Variants in KIF2C observed in about 807,000 individuals in gnomAD.
KIF2C encodes kinesin-like protein KIF2C.
KIF2C carries 34 observed loss-of-function variants against 97.4 expected under a neutral mutation model. The observed-to-expected ratio is 0.35, with a 90% CI of 0.27 to 0.46. KIF2C has a LOEUF of 0.46. KIF2C is among the 20% of genes least tolerant of loss of function. The probability of loss-of-function intolerance (pLI) is 1.00; values close to 1 mark genes in which losing one functional copy is unlikely to be tolerated. For synonymous variants in KIF2C, 313 were observed against 318.2 expected (o/e 0.98, Z 0.17); for missense variants, 750 against 907.6 (o/e 0.83, Z 2.23).
At chr1:44,747,059 G>A (rs534440597) in intron 2 of KIF2C, among the ~76,000 whole-genome samples, 1 of 152,064 alleles carries the variant, frequency 6.6e-6, no homozygotes, top group Admixed American at 6.6e-5. Flanking sequence ...TGTAATCCCA[G>A]CACTTTAGGA....
At chr1:44,764,791 G>A (rs1233019178) in intron 19 of KIF2C, among the ~76,000 whole-genome samples, 7 of 152,156 alleles carry the variant, frequency 4.6e-5, no homozygotes, top group Non-Finnish European at 1.0e-4. Context: ...TTACAGGCGT[G>A]AGCCACCACG....
chr1:44,746,403 G>T, intron 2 of KIF2C: 1 of 1,116,580 alleles, frequency 9.0e-7, no homozygotes, highest in Non-Finnish European at 1.1e-6. Flanking sequence ...TAAGGCATGG[G>T]CAGGAAGCCG....
intron 16 of KIF2C, among the ~76,000 whole-genome samples, chr1:44,761,468 TGTG>T (rs1352386291): frequency 6.6e-6 from 1 of 151,356 alleles, no homozygotes; most frequent in Non-Finnish European, 1.5e-5. Context: ...ATTAGCCAGG[TGTG>T]GTGGCAGGTG....
intron 2 of KIF2C, among the ~76,000 whole-genome samples, chr1:44,745,140 G>C (rs1023318987): frequency 6.6e-6 from 1 of 150,488 alleles, no homozygotes; most frequent in Non-Finnish European, 1.5e-5. Flanking sequence ...AGTGAGCCGA[G>C]ATCATGCCAC....
chr1:44,741,598 T>C (rs555097394), intron 2 of KIF2C, among the ~76,000 whole-genome samples: 8 of 152,000 alleles, frequency 5.3e-5, no homozygotes, highest in Admixed American at 1.3e-4. Flanking sequence ...GGTGGGAGGA[T>C]TGATTTAGCC....
intron 2 of KIF2C, among the ~76,000 whole-genome samples, chr1:44,742,474 T>G (rs1648984001): frequency 6.6e-6 from 1 of 151,040 alleles, no homozygotes; most frequent in Non-Finnish European, 1.5e-5. Context: ...TCCCAGCACT[T>G]TGGGAGGCCG....
chr1:44,753,353 CCT>C, intron 6 of KIF2C, 99 bp downstream of exon 6: 2 of 1,373,570 alleles, frequency 1.5e-6, no homozygotes, highest in South Asian at 1.5e-5. Flanking sequence ...GAGTTCAAGC[CCT>C]GTTTGTCACG....
intron 19 of KIF2C, among the ~76,000 whole-genome samples, chr1:44,763,337 G>A (rs540440188): frequency 1.7e-4 from 26 of 152,168 alleles, no homozygotes; most frequent in Non-Finnish European, 3.5e-4. Context: ...CAGGAAGGAA[G>A]AACTTGGGGC....
chr1:44,766,861 C>G lies in KIF2C; in HGVS notation c.2007C>G (p.Thr669=). The change falls in exon 20 of 21, where the codon ACC becomes ACG. Residue 669 remains threonine (T), a synonymous_variant. Coordinates refer to ENST00000372224, the MANE Select transcript of KIF2C (RefSeq NM_006845.4). ...ACTGGCTTGAGCTCTCTGAGATGAC[C>G]GAGCAGCCAGACTATGACCTGGAGA... ...GPDWLELSEM[T]EQPDYDLETF... 1 of 1,614,200 alleles carries G rather than the reference C, an allele frequency of 6.2e-7. No individual in the cohort carries two copies. The highest frequency in any genetic ancestry group is 8.5e-7 in the Non-Finnish European group (1 of 1,180,034).
chr1:44,762,390 TGATTCAAATGGAAACAGAAGA>T lies in KIF2C; in HGVS notation c.1800_1820del (p.Ile600_Glu606del). 1 of 1,614,108 alleles carries T rather than the reference TGATTCAAATGGAAACAGAAGA, an allele frequency of 6.2e-7. No homozygotes were observed. Among genetic ancestry groups the T allele is most frequent in the Non-Finnish European group, 8.5e-7 (1 of 1,180,014 alleles). ...CACAGTGGGCCCAGTGGAGAGCAGT[TGATTCAAATGGAAACAGAAGA>T]GATGGAAGCCTGCTCTAACGGGGCG... On this transcript the variant is annotated inframe_deletion, in exon 18 of 21. Transcript: ENST00000372224.
At chr1:44,750,591 C>G in intron 5 of KIF2C, 27 bp downstream of exon 5, 1 of 1,497,646 alleles carries the variant, frequency 6.7e-7, no homozygotes, top group Non-Finnish European at 9.0e-7. Flanking sequence ...CCCCCAACCA[C>G]CATGTTTGAG....
rs1648950294 is a variant in KIF2C, at chr1:44,741,853, C to A, written c.165+846C>A. On this transcript the variant is annotated intron_variant, in intron 2 of 20. Coordinates refer to ENST00000372224, the MANE Select transcript of KIF2C (RefSeq NM_006845.4). Reference sequence around the variant, plus strand: ...AAAAATACAAAAAACATTAGCCGGGCATGGTGGTGCATGCCTGTGGTCCCA... The same window carrying A: ...AAAAATACAAAAAACATTAGCCGGGAATGGTGGTGCATGCCTGTGGTCCCA... Among the ~76,000 whole-genome samples, 3 of 151,648 alleles carry A rather than the reference C, an allele frequency of 2.0e-5. No homozygotes were observed. The South Asian group carries it at 6.3e-4, about 32-fold the overall frequency.
intron 10 of KIF2C, among the ~76,000 whole-genome samples, chr1:44,757,197 G>A (rs568432741): frequency 3.4e-4 from 52 of 152,310 alleles, no homozygotes; most frequent in East Asian, 3.9e-4. Flanking sequence ...GATTACAGGC[G>A]TGAGCCACTG....
At chr1:44,755,752 A>C (rs1649794189) in intron 8 of KIF2C, among the ~76,000 whole-genome samples, 177 bp from the exon 9 acceptor site, 1 of 152,200 alleles carries the variant, frequency 6.6e-6, no homozygotes, top group Admixed American at 6.5e-5. Flanking sequence ...AACAAAATCC[A>C]GTGCTCCCTT....
At position 44,748,707 on chromosome 1, in the gene KIF2C, A is replaced by ATTTTTTTT. The variant is rs928683142; in HGVS notation, c.316+1020_316+1027dup. ...AGGTGTGCCCCATCACACCTGGCTA[A>ATTTTTTTT]TTTTTTTTTTTTTTTTTTTTGTAGA... On this transcript the variant is annotated intron_variant, in intron 4 of 20. Transcript: ENST00000372224. Among the ~76,000 whole-genome samples, 172 of 123,114 alleles carry ATTTTTTTT rather than the reference A, an allele frequency of 1.4e-3. 4 individuals are homozygous for ATTTTTTTT. The highest frequency in any genetic ancestry group is 5.4e-3 in the African/African-American group (166 of 30,764). 80.8% of individuals were successfully genotyped at this position (123,114 alleles called of 152,430 possible). A position where few individuals can be genotyped will look rare whatever the true frequency, so the allele number is the denominator to read the frequency against.
chr1:44,767,250 T>G lies in KIF2C; in HGVS notation c.*71T>G. 2 of 1,398,958 alleles carry G rather than the reference T, an allele frequency of 1.4e-6. No homozygotes were observed. 86.7% of individuals were successfully genotyped at this position (1,398,958 alleles called of 1,614,324 possible). A position where few individuals can be genotyped will look rare whatever the true frequency, so the allele number is the denominator to read the frequency against. On this transcript the variant is annotated 3_prime_UTR_variant, in exon 21 of 21. Coordinates refer to ENST00000372224, the MANE Select transcript of KIF2C (RefSeq NM_006845.4). ...CTGGCCCTCCCCAGAGAACTTTGGGTACCTGGTGGGTCTAGGCAGGGTCTG... is the reference window on the plus strand; with the variant it reads ...CTGGCCCTCCCCAGAGAACTTTGGGGACCTGGTGGGTCTAGGCAGGGTCTG...
chr1:44,766,766 G>A, intron 19 of KIF2C, 60 bp from the exon 20 acceptor site: 4 of 1,586,616 alleles, frequency 2.5e-6, no homozygotes, highest in Non-Finnish European at 2.6e-6. Flanking sequence ...CAGTTGGTAG[G>A]ACCCCAGGAA....
chr1:44,757,670 A>G (rs754609018), intron 11 of KIF2C, 24 bp downstream of exon 11: 2 of 1,539,384 alleles, frequency 1.3e-6, no homozygotes, highest in East Asian at 2.2e-5. Flanking sequence ...CCTGGCGGGG[A>G]AAGAGCCTTT....
In KIF2C at chr1:44,762,340, C is replaced by T; in HGVS notation, c.1752-6C>T. On this transcript the variant is annotated splice_polypyrimidine_tract_variant and splice_region_variant and intron_variant, in intron 17 of 20. Transcript: ENST00000372224. ...TGTGGGATCTGAGACCTCCTTGTTT[C>T]CTCAGGGTCAAGGAGCTGAGCCCCC... The T allele has an allele frequency of 1.2e-6, 2 of 1,612,610 alleles. No individual in the cohort carries two copies. Among genetic ancestry groups the T allele is most frequent in the Non-Finnish European group, 8.5e-7 (1 of 1,178,666 alleles).
Sources: allele counts gnomAD v4.1 joint callset (sites outside exome capture counted in the v4.1 genomes callset), GRCh38; gene constraint gnomAD v4.1.1; transcripts MANE v1.5; gene names NCBI Gene and HGNC (gene_info 2026-07-23, HGNC 2026-07-21).